Variants in CACNA2D3 observed in about 807,000 individuals in gnomAD.
The protein encoded by CACNA2D3 is voltage-dependent calcium channel subunit alpha-2/delta-3.
CACNA2D3 carries 60 observed loss-of-function variants against 160.6 expected under a neutral mutation model. The observed-to-expected ratio is 0.37, with a 90% CI of 0.30 to 0.46. The LOEUF (loss-of-function observed/expected upper bound fraction) is 0.46, where lower values mean the gene tolerates loss of function less well. Ranked by LOEUF, CACNA2D3 falls within the 20% of genes least tolerant of loss-of-function variation. The pLI, the probability that CACNA2D3 is intolerant of heterozygous loss-of-function variation, is 1.00. For synonymous variants in CACNA2D3, 558 were observed against 492.9 expected (o/e 1.13, Z -1.75); for missense variants, 1,205 against 1,365.0 (o/e 0.88, Z 1.85).
intron 14 of CACNA2D3, among the ~76,000 whole-genome samples, chr3:54,817,945 C>T (rs1703494074): frequency 6.6e-6 from 1 of 152,184 alleles, no homozygotes; most frequent in African/African-American, 2.4e-5. Context: ...CAACAGCTTC[C>T]AGGGTAAATA....
intron 25 of CACNA2D3, among the ~76,000 whole-genome samples, chr3:54,895,684 G>T (rs1271848071): frequency 6.6e-6 from 1 of 152,154 alleles, no homozygotes; most frequent in Non-Finnish European, 1.5e-5. Context: ...CTACCTATAT[G>T]TTGTCCCTTG....
chr3:54,727,097 G>C (rs1294683306), intron 11 of CACNA2D3, among the ~76,000 whole-genome samples: 1 of 152,130 alleles, frequency 6.6e-6, no homozygotes, highest in African/African-American at 2.4e-5. Flanking sequence ...GTGGGCAAAG[G>C]ATATGAACAG....
intron 11 of CACNA2D3, among the ~76,000 whole-genome samples, chr3:54,642,528 A>G (rs570276527): frequency 1.3e-5 from 2 of 152,168 alleles, no homozygotes; most frequent in African/African-American, 4.8e-5. Context: ...GCTTTTCTTT[A>G]TTTTTATTTG....
At chr3:54,806,275 A>G (rs916060356) in intron 13 of CACNA2D3, among the ~76,000 whole-genome samples, 2 of 152,186 alleles carry the variant, frequency 1.3e-5, no homozygotes. Context: ...CCCTGTTTGC[A>G]GACGACATGA....
intron 3 of CACNA2D3, among the ~76,000 whole-genome samples, chr3:54,362,973 G>A (rs1028030432): frequency 1.3e-5 from 2 of 152,086 alleles, no homozygotes; most frequent in African/African-American, 4.8e-5. Context: ...GAGGCAAGTG[G>A]ATCATGAGGT....
At chr3:54,688,096 G>A (rs1700504567) in intron 11 of CACNA2D3, among the ~76,000 whole-genome samples, 1 of 152,032 alleles carries the variant, frequency 6.6e-6, no homozygotes, top group East Asian at 1.9e-4. Flanking sequence ...AACATCACAT[G>A]TTTTATTATT....
intron 2 of CACNA2D3, among the ~76,000 whole-genome samples, chr3:54,316,631 C>CTTGG: frequency 6.6e-6 from 1 of 152,142 alleles, no homozygotes; most frequent in Non-Finnish European, 1.5e-5. Context: ...GATCTGGAAT[C>CTTGG]CACAGCTTGG....
intron 2 of CACNA2D3, among the ~76,000 whole-genome samples, chr3:54,139,449 C>A (rs1468564283): frequency 6.6e-6 from 1 of 152,234 alleles, no homozygotes; most frequent in Non-Finnish European, 1.5e-5. Context: ...TCAGAGCAGG[C>A]AGAAATGACA....
chr3:54,716,334 G>T (rs886804377), intron 11 of CACNA2D3, among the ~76,000 whole-genome samples: 1 of 152,050 alleles, frequency 6.6e-6, no homozygotes, highest in African/African-American at 2.4e-5. Flanking sequence ...ATGTGTGGCC[G>T]ATACCTTTTC....
rs750776566 is a variant in CACNA2D3 at position 54,816,913 on chromosome 3, C to T, written c.1398+43C>T. 1.2e-5 allele frequency: 19 copies of T among 1,607,270 alleles called. 1 individual carries two copies. Among genetic ancestry groups the T allele is most frequent in the Admixed American group, 1.0e-4 (6 of 59,708 alleles). Reference sequence around the variant, plus strand: ...ACATTCCAGTCACCCCCAGAACTCACGAGTCATGCATGCCTCCATGGTGTT... The same window carrying T: ...ACATTCCAGTCACCCCCAGAACTCATGAGTCATGCATGCCTCCATGGTGTT... On this transcript the variant is annotated intron_variant, in intron 14 of 37. Transcript: ENST00000474759.
At chr3:54,391,825 T>C (rs187848801) in intron 4 of CACNA2D3, among the ~76,000 whole-genome samples, 117 of 152,250 alleles carry the variant, frequency 7.7e-4, no homozygotes, top group African/African-American at 2.7e-3. Flanking sequence ...AGGGTAACTT[T>C]CTTGTGGACA....
Position 54,726,245 on chromosome 3 carries a change from C to G in CACNA2D3, c.1168-26354C>G, listed in dbSNP as rs372348440. 1.3e-5 allele frequency among the ~76,000 whole-genome samples: 2 copies of G among 152,156 alleles called. 1 individual carries two copies. ...CTTCAAGCAGAACTAAAAACCAGCG[C>G]TCAAGGAAATCAGAGAGGACACAAA... On this transcript the variant is annotated intron_variant, in intron 11 of 37. Transcript: ENST00000474759.
intron 2 of CACNA2D3, among the ~76,000 whole-genome samples, chr3:54,303,197 A>G (rs1703519249): frequency 6.6e-6 from 1 of 152,174 alleles, no homozygotes; most frequent in South Asian, 2.1e-4. Flanking sequence ...GGGTGGATGG[A>G]GAGCACATTG....
At chr3:54,164,816 C>A (rs553927415) in intron 2 of CACNA2D3, among the ~76,000 whole-genome samples, 46 of 152,186 alleles carry the variant, frequency 3.0e-4, no homozygotes, top group Non-Finnish European at 5.6e-4. Context: ...CCAGTGAGAG[C>A]CCCAGGCCCG....
At chr3:54,723,287 G>A (rs937020727) in intron 11 of CACNA2D3, among the ~76,000 whole-genome samples, 7 of 149,950 alleles carry the variant, frequency 4.7e-5, no homozygotes, top group African/African-American at 9.9e-5. Context: ...CTGCTGTGCT[G>A]GCAGTGAGAA....
intron 12 of CACNA2D3, among the ~76,000 whole-genome samples, chr3:54,763,737 GTATA>G (rs576181170): frequency 0.034 from 3,200 of 93,184 alleles, 237 homozygotes; most frequent in Non-Finnish European, 0.057. Context: ...ATATATATGT[GTATA>G]TATGTGCATA....
chr3:54,401,780 A>T (rs775784947), intron 4 of CACNA2D3, among the ~76,000 whole-genome samples: 3 of 152,186 alleles, frequency 2.0e-5, no homozygotes, highest in African/African-American at 7.2e-5. Flanking sequence ...AAACAAAAGG[A>T]TGTGAATTAC....
chr3:54,259,059 T>A (rs940762533), intron 2 of CACNA2D3, among the ~76,000 whole-genome samples: 2 of 152,202 alleles, frequency 1.3e-5, no homozygotes, highest in Non-Finnish European at 2.9e-5. Context: ...GATGCTGGGG[T>A]CCCATAAGCT....
At chr3:54,434,153 C>T (rs976243291) in intron 4 of CACNA2D3, among the ~76,000 whole-genome samples, 1 of 152,172 alleles carries the variant, frequency 6.6e-6, no homozygotes, top group Non-Finnish European at 1.5e-5. Context: ...GTGGGGGCCA[C>T]TAGTGAAACG....
Sources: gnomAD v4.1 joint callset for allele counts (sites outside exome capture counted in the v4.1 genomes callset) on GRCh38, gnomAD v4.1.1 for gene constraint, MANE v1.5 for transcripts, NCBI Gene and HGNC (gene_info 2026-07-23, HGNC 2026-07-21) for gene names.